The following GABRG3 variants were observed in gnomAD, a reference collection of about 807,000 sequenced individuals.
GABRG3 encodes the protein gamma-aminobutyric acid receptor subunit gamma-3.
In GABRG3, 25 loss-of-function variants were observed where a neutral mutation model predicts 48.8. The observed-to-expected ratio is 0.51, with a 90% CI of 0.37 to 0.72. The LOEUF (loss-of-function observed/expected upper bound fraction) is 0.72, where lower values mean the gene tolerates loss of function less well. GABRG3 is among the 30% of genes least tolerant of loss of function. GABRG3 has a pLI of 0.00. For missense variants in GABRG3, 394 were observed against 577.9 expected (o/e 0.68, Z 3.26); for synonymous variants, 227 against 217.6 (o/e 1.04, Z -0.38).
intron 3 of GABRG3, among the ~76,000 whole-genome samples, chr15:27,133,518 C>T (rs949586634): frequency 6.6e-6 from 1 of 152,152 alleles, no homozygotes; most frequent in African/African-American, 2.4e-5. Flanking sequence ...TATGAATTTC[C>T]CTTTCCTTTT....
chr15:27,399,230 AG>A (rs1433395372), intron 5 of GABRG3, among the ~76,000 whole-genome samples: 1 of 152,238 alleles, frequency 6.6e-6, no homozygotes, highest in Non-Finnish European at 1.5e-5. Context: ...GAGTCCCTTC[AG>A]AAACTCTTTG....
chr15:27,087,617 G>A (rs1897099778), intron 3 of GABRG3, among the ~76,000 whole-genome samples: 1 of 152,202 alleles, frequency 6.6e-6, no homozygotes, highest in South Asian at 2.1e-4. Flanking sequence ...GTGTATGCAT[G>A]TATGCAAATG....
At chr15:27,182,635 G>T (rs570500326) in intron 3 of GABRG3, among the ~76,000 whole-genome samples, 1 of 152,212 alleles carries the variant, frequency 6.6e-6, no homozygotes, top group Admixed American at 6.5e-5. Flanking sequence ...TGACGGGAGG[G>T]GGTGCTTAGC....
chr15:27,248,178 G>A (rs1890325406), intron 3 of GABRG3, among the ~76,000 whole-genome samples: 1 of 152,150 alleles, frequency 6.6e-6, no homozygotes, highest in Admixed American at 6.5e-5. Flanking sequence ...TGGACTGGTG[G>A]CCTGTCTTGC....
chr15:27,052,183 A>C (rs879816142), intron 3 of GABRG3, among the ~76,000 whole-genome samples: 1 of 152,130 alleles, frequency 6.6e-6, no homozygotes, highest in Non-Finnish European at 1.5e-5. Context: ...TGGTAGAAGG[A>C]TGGTGTGTTC....
intron 3 of GABRG3, among the ~76,000 whole-genome samples, chr15:27,246,246 TTAAAA>T (rs999673430): frequency 6.6e-6 from 1 of 152,112 alleles, no homozygotes; most frequent in Non-Finnish European, 1.5e-5. Context: ...CTCTTTCTTT[TTAAAA>T]TAAAATAAAT....
chr15:27,290,145 C>T (rs1026269569), intron 3 of GABRG3, among the ~76,000 whole-genome samples: 5 of 151,940 alleles, frequency 3.3e-5, no homozygotes, highest in East Asian at 1.9e-4. Flanking sequence ...AGAGACCTCC[C>T]TTCAAAAAGC....
chr15:27,407,723 G>C (rs1011076918), intron 5 of GABRG3, among the ~76,000 whole-genome samples: 2 of 152,174 alleles, frequency 1.3e-5, no homozygotes, highest in Admixed American at 1.3e-4. Flanking sequence ...GGCTATAACT[G>C]TATGATTCTA....
chr15:27,093,677 T>G (rs532884839), intron 3 of GABRG3, among the ~76,000 whole-genome samples: 1 of 152,274 alleles, frequency 6.6e-6, no homozygotes, highest in African/African-American at 2.4e-5. Flanking sequence ...GCTAGAAAAT[T>G]TTGGCAACAA....
At chr15:27,381,422 G>A (rs1555376152) in intron 5 of GABRG3, among the ~76,000 whole-genome samples, 2 of 152,154 alleles carry the variant, frequency 1.3e-5, no homozygotes, top group Non-Finnish European at 1.5e-5. Context: ...ATGAAAGTAG[G>A]GGGACTCCCC....
intron 5 of GABRG3, among the ~76,000 whole-genome samples, chr15:27,331,043 C>T (rs1180179223): frequency 6.6e-6 from 1 of 152,066 alleles, no homozygotes; most frequent in East Asian, 1.9e-4. Context: ...AGTGGGTGTA[C>T]ACAGTTATAT....
chr15:26,993,478 G>T (rs1895284441), intron 2 of GABRG3, among the ~76,000 whole-genome samples: 1 of 151,862 alleles, frequency 6.6e-6, no homozygotes, highest in Non-Finnish European at 1.5e-5. Context: ...GTCTTTCAGG[G>T]CCATATTGTT....
At chr15:27,309,040 A>G (rs1892891678) in intron 3 of GABRG3, among the ~76,000 whole-genome samples, 1 of 137,152 alleles carries the variant, frequency 7.3e-6, no homozygotes, top group Non-Finnish European at 1.5e-5. Flanking sequence ...TAATGTAAAC[A>G]TATGTTTATA....
chr15:27,209,575 C>A (rs1889003902), intron 3 of GABRG3, among the ~76,000 whole-genome samples: 1 of 152,118 alleles, frequency 6.6e-6, no homozygotes, highest in Non-Finnish European at 1.5e-5. Context: ...GGCCCCAGTA[C>A]CCAGCAGGGG....
At chr15:27,077,724 C>A (rs1025767721) in intron 3 of GABRG3, among the ~76,000 whole-genome samples, 23 of 152,246 alleles carry the variant, frequency 1.5e-4, no homozygotes, top group Non-Finnish European at 2.9e-4. Context: ...TGTAATGCTC[C>A]CCTGATCTCT....
At chr15:27,446,571 G>A (rs1438023634) in intron 5 of GABRG3, among the ~76,000 whole-genome samples, 2 of 151,998 alleles carry the variant, frequency 1.3e-5, no homozygotes, top group African/African-American at 4.8e-5. Context: ...AAAAAATTTT[G>A]TAGTTTTCAG....
At chr15:27,024,580 G>A (rs932378352) in intron 2 of GABRG3, among the ~76,000 whole-genome samples, 4 of 152,150 alleles carry the variant, frequency 2.6e-5, no homozygotes, top group Non-Finnish European at 5.9e-5. Context: ...TCATTGAATG[G>A]TCTTGGCAAC....
rs543212089 is a variant in GABRG3, at chr15:26,976,443, G to A, written c.54-559G>A. The stretch of plus-strand genomic sequence containing the variant: ...CGCTGTCCTTGCCTCCAATCTGAGT[G>A]CCGGCAAAGCAGACCCCCTCACAAT... On this transcript the variant is annotated intron_variant, in intron 1 of 9. Coordinates refer to ENST00000615808, the MANE Select transcript of GABRG3 (RefSeq NM_033223.5). The surrounding 1 kb of genome is among the most constrained non-coding windows in gnomAD (Gnocchi z 7.8). Among the ~76,000 whole-genome samples, 2 of 152,330 alleles carry A rather than the reference G, an allele frequency of 1.3e-5. No individual in the cohort carries two copies. The highest frequency in any genetic ancestry group is 6.5e-5 in the Admixed American group (1 of 15,308).
chr15:27,047,211 T>C (rs1483675701), intron 3 of GABRG3, among the ~76,000 whole-genome samples: 2 of 152,222 alleles, frequency 1.3e-5, no homozygotes, highest in African/African-American at 4.8e-5. Context: ...TCCCCGAGAC[T>C]TCCCAGTCTT....
Sources: allele counts gnomAD v4.1 joint callset (sites outside exome capture counted in the v4.1 genomes callset), GRCh38; gene constraint gnomAD v4.1.1; non-coding constraint Gnocchi (gnomAD v3.1); transcripts MANE v1.5; gene names NCBI Gene and HGNC (gene_info 2026-07-23, HGNC 2026-07-21).